The following ERC2 variants were observed in gnomAD, a reference collection of about 807,000 sequenced individuals.
The protein encoded by ERC2 is ERC protein 2.
A neutral mutation model predicts 114.8 loss-of-function variants in ERC2; 42 were observed. That is an observed-to-expected ratio of 0.37 (90% confidence interval 0.29 to 0.47). The LOEUF is 0.47. Ranked by LOEUF, ERC2 falls within the 20% of genes least tolerant of loss-of-function variation. ERC2 has a pLI of 0.99. For missense variants in ERC2, 939 were observed against 1,150.7 expected (o/e 0.82, Z 2.66); for synonymous variants, 454 against 425.5 (o/e 1.07, Z -0.82).
At chr3:56,266,761 G>C (rs1160951076) in intron 3 of ERC2, among the ~76,000 whole-genome samples, 1 of 152,080 alleles carries the variant, frequency 6.6e-6, no homozygotes. Context: ...ACAAACAAGA[G>C]GTAACAAATG....
intron 7 of ERC2, among the ~76,000 whole-genome samples, chr3:56,064,537 T>G (rs2076383993): frequency 6.6e-6 from 1 of 152,180 alleles, no homozygotes; most frequent in South Asian, 2.1e-4. Context: ...TCATTCAGAC[T>G]TTATTCACAA....
chr3:55,988,070 T>C (rs1209576851), intron 11 of ERC2, among the ~76,000 whole-genome samples: 1 of 152,228 alleles, frequency 6.6e-6, no homozygotes. Flanking sequence ...TGACAGATTC[T>C]ATTAACCTCT....
chr3:56,420,682 G>A (rs2061352216), intron 2 of ERC2, among the ~76,000 whole-genome samples: 1 of 150,484 alleles, frequency 6.6e-6, no homozygotes, highest in African/African-American at 2.4e-5. Context: ...TCAGGAGATC[G>A]AGACCAACCT....
At chr3:55,607,168 C>T (rs1024838267) in intron 17 of ERC2, among the ~76,000 whole-genome samples, 6 of 152,164 alleles carry the variant, frequency 3.9e-5, no homozygotes, top group African/African-American at 1.4e-4. Flanking sequence ...AACACAGACC[C>T]TGCCCCCATG....
intron 2 of ERC2, among the ~76,000 whole-genome samples, chr3:56,296,709 T>C (rs2055465271): frequency 6.6e-6 from 1 of 152,116 alleles, no homozygotes; most frequent in Admixed American, 6.5e-5. Context: ...CAAGGGAAAT[T>C]ATACATCTAC....
intron 17 of ERC2, among the ~76,000 whole-genome samples, chr3:55,679,462 G>T (rs556040730): frequency 6.6e-6 from 1 of 152,294 alleles, no homozygotes; most frequent in African/African-American, 2.4e-5. Context: ...AAACGTGCAA[G>T]GTTTCTATTG....
intron 17 of ERC2, among the ~76,000 whole-genome samples, chr3:55,543,383 A>T (rs1036016550): frequency 3.9e-5 from 6 of 152,240 alleles, no homozygotes; most frequent in African/African-American, 1.4e-4. Flanking sequence ...CAAGAAAAAC[A>T]TCCCGATGAA....
intron 3 of ERC2, among the ~76,000 whole-genome samples, chr3:56,276,731 C>T (rs1482328259): frequency 6.6e-6 from 1 of 152,164 alleles, no homozygotes; most frequent in Non-Finnish European, 1.5e-5. Flanking sequence ...TGTGCTAGTG[C>T]AGGGGTGTCC....
chr3:55,745,661 G>A (rs1477579129), intron 14 of ERC2, among the ~76,000 whole-genome samples: 4 of 152,174 alleles, frequency 2.6e-5, no homozygotes, highest in Non-Finnish European at 1.5e-5. Flanking sequence ...GAGTGATAAT[G>A]AGAAAACCAA....
intron 3 of ERC2, among the ~76,000 whole-genome samples, chr3:56,199,387 G>C (rs2150090364): frequency 6.6e-6 from 1 of 152,220 alleles, no homozygotes; most frequent in East Asian, 1.9e-4. Context: ...TGACAGGTAA[G>C]TGTTCTGGAG....
intron 6 of ERC2, among the ~76,000 whole-genome samples, chr3:56,090,510 A>G (rs1326957025): frequency 1.3e-5 from 2 of 152,196 alleles, no homozygotes; most frequent in African/African-American, 4.8e-5. Flanking sequence ...AGAACAAATA[A>G]GTATTATGTC....
At chr3:55,990,576 T>C (rs1444159913) in intron 11 of ERC2, among the ~76,000 whole-genome samples, 4 of 151,956 alleles carry the variant, frequency 2.6e-5, no homozygotes, top group Non-Finnish European at 5.9e-5. Flanking sequence ...AGGCACACAT[T>C]ACCATACCCG....
chr3:56,127,834 T>C (rs1385377342), intron 6 of ERC2, among the ~76,000 whole-genome samples: 1 of 151,852 alleles, frequency 6.6e-6, no homozygotes, highest in African/African-American at 2.4e-5. Flanking sequence ...AGCCAACTGA[T>C]TTTCAACAAA....
chr3:56,103,440 C>G (rs1030118824), intron 6 of ERC2, among the ~76,000 whole-genome samples: 1 of 152,198 alleles, frequency 6.6e-6, no homozygotes, highest in Non-Finnish European at 1.5e-5. Context: ...ACACAACCTT[C>G]CCTCCTCTCT....
Position 55,769,050 on chromosome 3 carries a change from A to G in ERC2, c.2565-34132T>C, listed in dbSNP as rs577798827. Among the ~76,000 whole-genome samples the G allele has an allele frequency of 4.6e-5, 7 of 152,168 alleles. No homozygotes were observed. The South Asian group carries it at 1.2e-3, about 27-fold the overall frequency. ...CTTTGGCTCTGAAATTTTAACATCT[A>G]TGATGAACTGGGATGAGTGTTAGGA... On this transcript the variant is annotated intron_variant, in intron 14 of 17. Transcript: ENST00000288221.
chr3:55,697,583 T>C (rs1433295892), intron 16 of ERC2, among the ~76,000 whole-genome samples: 35 of 152,108 alleles, frequency 2.3e-4, no homozygotes, highest in African/African-American at 2.4e-5. Context: ...AGAAATACCA[T>C]TCACAAAGCA....
intron 17 of ERC2, among the ~76,000 whole-genome samples, chr3:55,532,911 T>C (rs1012200478): frequency 6.6e-6 from 1 of 152,250 alleles, no homozygotes; most frequent in Non-Finnish European, 1.5e-5. Flanking sequence ...ACAAGGTCCC[T>C]GGCTCTCACA....
rs918300311 is a variant in ERC2 at position 56,284,020 on chromosome 3, T to C, written c.1074+11999A>G. On this transcript the variant is annotated intron_variant, in intron 3 of 17. Transcript: ENST00000288221. ...AAAGAACTCTGCTTCATTAATAACT[T>C]TTTAAAACATGCACTAACTAATTCA... 2.6e-5 allele frequency among the ~76,000 whole-genome samples: 4 copies of C among 152,364 alleles called. No individual in the cohort carries two copies. In the South Asian group the frequency reaches 6.2e-4, roughly 24 times the overall value.
At chr3:56,304,728 A>T (rs2056108537) in intron 2 of ERC2, among the ~76,000 whole-genome samples, 1 of 152,220 alleles carries the variant, frequency 6.6e-6, no homozygotes, top group Non-Finnish European at 1.5e-5. Context: ...AGTATTCTAT[A>T]AATAATGTTA....
Sources: gnomAD v4.1 joint callset for allele counts (sites outside exome capture counted in the v4.1 genomes callset) on GRCh38, gnomAD v4.1.1 for gene constraint, MANE v1.5 for transcripts, NCBI Gene and HGNC (gene_info 2026-07-23, HGNC 2026-07-21) for gene names.